Variants in TCF7L1 observed in about 807,000 individuals in gnomAD.
The protein encoded by TCF7L1 is transcription factor 7-like 1.
Under a neutral mutation model 63.7 loss-of-function variants are expected in TCF7L1, and 18 were observed. The ratio of observed to expected loss-of-function variants is 0.28; its 90% CI spans 0.20 to 0.42. The LOEUF is 0.42. Among genes scored for constraint, TCF7L1 ranks in the 10% least tolerant of loss-of-function variants. The pLI is 1.00. For synonymous variants in TCF7L1, 355 were observed against 340.9 expected (o/e 1.04, Z -0.46); for missense variants, 654 against 779.3 (o/e 0.84, Z 1.91).
At chr2:85,256,941 C>T (rs2104341638) in intron 3 of TCF7L1, among the ~76,000 whole-genome samples, 1 of 152,038 alleles carries the variant, frequency 6.6e-6, no homozygotes, top group Middle Eastern at 3.4e-3. Flanking sequence ...TGAGATCGCA[C>T]CATTGCACTC....
At chr2:85,210,704 A>G (rs559265218) in intron 3 of TCF7L1, among the ~76,000 whole-genome samples, 25 of 152,294 alleles carry the variant, frequency 1.6e-4, no homozygotes, top group African/African-American at 6.0e-4. Context: ...GCAAGGGAAT[A>G]GCGACTTAGT....
In TCF7L1 at chr2:85,305,348, TCC is replaced by T; in HGVS notation, c.938_939del (p.Pro313HisfsTer54). ...AGGGATCCCCCACCCTGCCATCGTC[TCC>T]CCCATCGTCAAGCAGGAACCGGCAC... ...TSGIPHPAIV[S>X]PIVKQEPAPP... On this transcript the variant is annotated frameshift_variant, in exon 8 of 12. Transcript: ENST00000282111. LOFTEE classifies it high-confidence loss of function. 1 of 1,612,886 alleles carries T rather than the reference TCC, an allele frequency of 6.2e-7. No homozygotes were observed. Among genetic ancestry groups the T allele is most frequent in the Non-Finnish European group, 8.5e-7 (1 of 1,179,672 alleles).
intron 3 of TCF7L1, among the ~76,000 whole-genome samples, chr2:85,222,121 C>A (rs368025263): frequency 6.6e-6 from 1 of 152,092 alleles, no homozygotes; most frequent in Non-Finnish European, 1.5e-5. Flanking sequence ...GAGGGTGGAT[C>A]ACCTGAGGTC....
chr2:85,193,838 G>T (rs536866400), intron 3 of TCF7L1, among the ~76,000 whole-genome samples: 37 of 152,174 alleles, frequency 2.4e-4, no homozygotes, highest in Admixed American at 3.9e-4. Flanking sequence ...AATGCATATA[G>T]AGAGAGAGAT....
chr2:85,199,871 ACTCT>A (rs1300605026), intron 3 of TCF7L1, among the ~76,000 whole-genome samples: 21 of 152,142 alleles, frequency 1.4e-4, no homozygotes, highest in African/African-American at 5.1e-4. Flanking sequence ...AACCATCACC[ACTCT>A]CTAATTCCAG....
chr2:85,253,299 T>G (rs7580690), intron 3 of TCF7L1, among the ~76,000 whole-genome samples: 1 of 151,230 alleles, frequency 6.6e-6, no homozygotes, highest in South Asian at 2.1e-4. Flanking sequence ...CAGTCAGAAG[T>G]GTGATTGTCG....
intron 3 of TCF7L1, among the ~76,000 whole-genome samples, chr2:85,215,152 C>CT (rs1679670500): frequency 1.3e-5 from 2 of 152,212 alleles, no homozygotes; most frequent in South Asian, 4.1e-4. Context: ...TGTTCTGCCA[C>CT]TTTAACACCG....
At chr2:85,190,360 A>G (rs1253729317) in intron 3 of TCF7L1, among the ~76,000 whole-genome samples, 1 of 152,220 alleles carries the variant, frequency 6.6e-6, no homozygotes, top group Non-Finnish European at 1.5e-5. Flanking sequence ...GCCGTAGAAC[A>G]GAGTGCTGAT....
intron 4 of TCF7L1, among the ~76,000 whole-genome samples, chr2:85,289,591 T>C (rs1431823142): frequency 1.3e-5 from 2 of 152,238 alleles, no homozygotes; most frequent in African/African-American, 4.8e-5. Context: ...CAGAAATATC[T>C]ACCACCTTTG....
At chr2:85,186,503 A>G (rs1171688590) in intron 3 of TCF7L1, 1 of 152,300 alleles carries the variant, frequency 6.6e-6, no homozygotes, top group Non-Finnish European at 1.5e-5. Flanking sequence ...CTCAGGTTCT[A>G]TGCCATAAAT....
At chr2:85,294,019 C>T (rs1354816907) in intron 4 of TCF7L1, among the ~76,000 whole-genome samples, 1 of 96,686 alleles carries the variant, frequency 1.0e-5, no homozygotes, top group Admixed American at 1.1e-4. Flanking sequence ...GTGGCCTGAA[C>T]ACTGGGATTT....
At chr2:85,178,530 G>A (rs1372640714) in intron 3 of TCF7L1, among the ~76,000 whole-genome samples, 1 of 152,206 alleles carries the variant, frequency 6.6e-6, no homozygotes, top group Non-Finnish European at 1.5e-5. Context: ...CTGTGTGGAA[G>A]GCAGCGGGGC....
chr2:85,238,683 A>G (rs1680251502), intron 3 of TCF7L1, among the ~76,000 whole-genome samples: 1 of 152,180 alleles, frequency 6.6e-6, no homozygotes, highest in Non-Finnish European at 1.5e-5. Flanking sequence ...CCCAGACAGT[A>G]ATGATACACC....
At chr2:85,203,366 G>T (rs984277679) in intron 3 of TCF7L1, among the ~76,000 whole-genome samples, 1 of 152,282 alleles carries the variant, frequency 6.6e-6, no homozygotes, top group African/African-American at 2.4e-5. Context: ...ACCAAGATTA[G>T]TTGAAATGCA....
chr2:85,139,876 C>T (rs181252151), intron 3 of TCF7L1, among the ~76,000 whole-genome samples: 1 of 152,200 alleles, frequency 6.6e-6, no homozygotes, highest in East Asian at 1.9e-4. Context: ...ATTTAAGAGG[C>T]AGCAGAGAAC....
intron 3 of TCF7L1, among the ~76,000 whole-genome samples, chr2:85,230,532 A>G (rs1310766106): frequency 6.6e-6 from 1 of 152,116 alleles, no homozygotes; most frequent in Non-Finnish European, 1.5e-5. Context: ...ATGGGGTTTC[A>G]CCATGTTGGC....
intron 3 of TCF7L1, among the ~76,000 whole-genome samples, chr2:85,271,582 A>G (rs532058999): frequency 1.3e-5 from 2 of 152,344 alleles, no homozygotes; most frequent in South Asian, 2.1e-4. Context: ...TGAAGTTTTC[A>G]GTTGTAACAC....
At chr2:85,135,790 A>AGGTC (rs70953928) in intron 3 of TCF7L1, among the ~76,000 whole-genome samples, 47,764 of 151,256 alleles carry the variant, frequency 0.32, 7,824 homozygotes, top group Non-Finnish European at 0.36. Flanking sequence ...AGAGGGAGGG[A>AGGTC]GGTCTTGCAG....
chr2:85,305,293 G>A lies in TCF7L1; in HGVS notation c.879G>A (p.Val293=), dbSNP rs376230524. 5.0e-6 allele frequency: 8 copies of A among 1,613,948 alleles called. No homozygotes were observed. Among genetic ancestry groups the A allele is most frequent in the Non-Finnish European group, 6.8e-6 (8 of 1,179,994 alleles). Residue 293 remains valine (V), a synonymous_variant, in exon 8 of 12, where the codon GTG becomes GTA. Coordinates refer to ENST00000282111, the MANE Select transcript of TCF7L1 (RefSeq NM_031283.3). ...LVSSRFSPHM[V]APAHPGLPTS... is the part of the protein sequence containing the mutation. Reference sequence around the variant, plus strand: ...CCAGTCGGTTCTCTCCTCACATGGTGGCTCCTGCCCACCCTGGCCTGCCCA... The same window carrying A: ...CCAGTCGGTTCTCTCCTCACATGGTAGCTCCTGCCCACCCTGGCCTGCCCA...
Sources: allele counts gnomAD v4.1 joint callset (sites outside exome capture counted in the v4.1 genomes callset), GRCh38; gene constraint gnomAD v4.1.1; transcripts MANE v1.5; gene names NCBI Gene and HGNC (gene_info 2026-07-23, HGNC 2026-07-21).